Variants in SLC10A2 observed in about 807,000 individuals in gnomAD.
SLC10A2 encodes solute carrier family 10 member 2.
In SLC10A2, 34 loss-of-function variants were observed where a neutral mutation model predicts 27.1. The ratio of observed to expected loss-of-function variants is 1.26; its 90% CI spans 0.96 to 1.67. SLC10A2 has a LOEUF of 1.67. Ranked by LOEUF, SLC10A2 falls within the 40% of genes most tolerant of loss-of-function variation. The probability of loss-of-function intolerance (pLI) is 0.00; values close to 1 mark genes in which losing one functional copy is unlikely to be tolerated. For synonymous variants in SLC10A2, 205 were observed against 174.0 expected (o/e 1.18, Z -1.40); for missense variants, 530 against 444.4 (o/e 1.19, Z -1.73).
chr13:103,045,810 G>A lies in SLC10A2; in HGVS notation c.*323C>T, dbSNP rs201190195. Reference sequence around the variant, plus strand: ...AAATTCTGCATAAGAATTCAGTTTTGGTGTTAAAGATGTTTTCATTCTCGG... The same window carrying A: ...AAATTCTGCATAAGAATTCAGTTTTAGTGTTAAAGATGTTTTCATTCTCGG... On this transcript the variant is annotated 3_prime_UTR_variant, in exon 6 of 6. Coordinates refer to ENST00000245312, the MANE Select transcript of SLC10A2 (RefSeq NM_000452.3). 9.8e-6 allele frequency: 2 copies of A among 204,032 alleles called. No individual in the cohort carries two copies. The highest frequency in any genetic ancestry group is 4.7e-5 in the African/African-American group (2 of 42,390). The allele number at this position is 204,032 out of a possible 1,614,324, so 12.6% of individuals were successfully genotyped here.
At chr13:103,062,403 A>G (rs1238155282) in intron 1 of SLC10A2, among the ~76,000 whole-genome samples, 1 of 152,244 alleles carries the variant, frequency 6.6e-6, no homozygotes, top group Non-Finnish European at 1.5e-5. Context: ...TAATAGTACT[A>G]ACTTTAGAGG....
At chr13:103,060,911 C>T (rs1215473108) in intron 1 of SLC10A2, among the ~76,000 whole-genome samples, 1 of 150,556 alleles carries the variant, frequency 6.6e-6, no homozygotes, top group Admixed American at 6.6e-5. Flanking sequence ...ACACACTATA[C>T]TAAGAAAGGA....
chr13:103,054,562 T>C (rs1372006144), intron 2 of SLC10A2, among the ~76,000 whole-genome samples: 2 of 151,718 alleles, frequency 1.3e-5, no homozygotes, highest in African/African-American at 2.4e-5. Flanking sequence ...GTTTTGGTCC[T>C]ATATTTTAAT....
chr13:103,062,181 C>G (rs2138924919), intron 1 of SLC10A2, among the ~76,000 whole-genome samples: 1 of 152,244 alleles, frequency 6.6e-6, no homozygotes, highest in Middle Eastern at 3.4e-3. Context: ...AAGTAAAATA[C>G]CAAGTTTGAA....
In SLC10A2 at chr13:103,046,226, G is replaced by GT. The variant is rs759302284; in HGVS notation, c.953dup (p.Asn318LysfsTer21). On this transcript the variant is annotated frameshift_variant, in exon 6 of 6. Coordinates refer to ENST00000245312, the MANE Select transcript of SLC10A2 (RefSeq NM_000452.3). LOFTEE classifies it low-confidence loss of function (END_TRUNC). ...CTTTGCTCTCTGGAATTTCTGCCTT[G>GT]TTTTTTCCATGACATTTCTTGTATG... The GT allele has an allele frequency of 5.6e-6, 9 of 1,613,124 alleles. No homozygotes were observed. In the Middle Eastern group the frequency reaches 8.2e-4, roughly 147 times the overall value.
In SLC10A2 at chr13:103,049,368, A is replaced by C; in HGVS notation, c.840T>G (p.Pro280=). 6.2e-7 allele frequency: 1 copy of C among 1,614,014 alleles called. No homozygotes were observed. The highest frequency in any genetic ancestry group is 2.2e-5 in the East Asian group (1 of 44,874). ...AGGTGAATACGACATTGAGCTCCTC[A>C]GGAGTGAAGGAGAGCTGAACGATGG... is the stretch of plus-strand genomic sequence containing the variant. The part of the protein sequence containing the change: ...CSTIVQLSFT[P]EELNVVFTFP... The change falls in exon 5 of 6, where the codon CCT becomes CCG. Residue 280 remains proline, a synonymous_variant. Coordinates refer to ENST00000245312, the MANE Select transcript of SLC10A2 (RefSeq NM_000452.3).
intron 3 of SLC10A2, 95 bp downstream of exon 3, chr13:103,052,518 ACAGTAAT>A: frequency 1.2e-6 from 1 of 858,622 alleles, no homozygotes; most frequent in Non-Finnish European, 2.0e-6. Flanking sequence ...CCCCCACTCA[ACAGTAAT>A]CATATAATGA....
chr13:103,048,609 G>T (rs563697244), intron 5 of SLC10A2, among the ~76,000 whole-genome samples: 26 of 152,094 alleles, frequency 1.7e-4, no homozygotes, highest in African/African-American at 5.5e-4. Context: ...AAAAATAGAG[G>T]TTAAATATTA....
At chr13:103,056,463 A>C (rs1875941511) in intron 2 of SLC10A2, among the ~76,000 whole-genome samples, 1 of 152,126 alleles carries the variant, frequency 6.6e-6, no homozygotes, top group Admixed American at 6.5e-5. Context: ...TTCACACTGC[A>C]GTTAGAATTA....
At chr13:103,063,456 G>C (rs934431714) in intron 1 of SLC10A2, among the ~76,000 whole-genome samples, 5 of 152,036 alleles carry the variant, frequency 3.3e-5, no homozygotes, top group African/African-American at 1.2e-4. Context: ...AGATGGAGAA[G>C]GTAAAATTCT....
At chr13:103,050,371 A>T (rs1168879408) in intron 4 of SLC10A2, among the ~76,000 whole-genome samples, 2 of 152,072 alleles carry the variant, frequency 1.3e-5, no homozygotes, top group Non-Finnish European at 2.9e-5. Flanking sequence ...TCCCAACTTC[A>T]TACATGCATC....
intron 1 of SLC10A2, among the ~76,000 whole-genome samples, chr13:103,058,655 G>A (rs1368352644): frequency 6.6e-6 from 1 of 152,056 alleles, no homozygotes; most frequent in Non-Finnish European, 1.5e-5. Context: ...TCCCCTCTAT[G>A]TGTCCATGCG....
chr13:103,045,323 A>T lies in SLC10A2; in HGVS notation c.*810T>A, dbSNP rs1875576956. 6.6e-6 allele frequency: 1 copy of T among 152,218 alleles called. No individual in the cohort carries two copies. Among genetic ancestry groups the T allele is most frequent in the African/African-American group, 2.4e-5 (1 of 41,448 alleles). 9.4% of individuals were successfully genotyped at this position (152,218 alleles called of 1,614,324 possible). The stretch of plus-strand genomic sequence containing the variant: ...TATGTGGATCCACTGCACACAGGAA[A>T]ACCTTGAGGAAGTCCCTCTCCCAGA... On this transcript the variant is annotated 3_prime_UTR_variant, in exon 6 of 6. Coordinates refer to ENST00000245312, the MANE Select transcript of SLC10A2 (RefSeq NM_000452.3).
chr13:103,060,622 C>A (rs562673784), intron 1 of SLC10A2, among the ~76,000 whole-genome samples: 1 of 152,052 alleles, frequency 6.6e-6, no homozygotes, highest in African/African-American at 2.4e-5. Flanking sequence ...GTGATCCGCT[C>A]GCCTAGGCCT....
chr13:103,064,030 TA>T (rs1346424374), intron 1 of SLC10A2, among the ~76,000 whole-genome samples: 12 of 152,160 alleles, frequency 7.9e-5, no homozygotes, highest in Non-Finnish European at 1.5e-4. Context: ...AACTTTAAAA[TA>T]AAAATAGTTA....
chr13:103,050,050 C>T lies in SLC10A2; in HGVS notation c.762-604G>A, dbSNP rs190213193. On this transcript the variant is annotated intron_variant, in intron 4 of 5. Coordinates refer to ENST00000245312, the MANE Select transcript of SLC10A2 (RefSeq NM_000452.3). Reference sequence around the variant, plus strand: ...GTGTGGGCTTGTAGTCCCAGCTCCTCGGGAGGCTAAGGCAGGAGGATCACT... The same window carrying T: ...GTGTGGGCTTGTAGTCCCAGCTCCTTGGGAGGCTAAGGCAGGAGGATCACT... Among the ~76,000 whole-genome samples the T allele has an allele frequency of 5.3e-5, 8 of 151,988 alleles. No individual in the cohort carries two copies. In the South Asian group the frequency reaches 6.2e-4, roughly 12 times the overall value.
intron 2 of SLC10A2, among the ~76,000 whole-genome samples, chr13:103,055,990 GA>G (rs1291332877): frequency 6.6e-6 from 1 of 152,206 alleles, no homozygotes; most frequent in African/African-American, 2.4e-5. Flanking sequence ...TACCTATTTA[GA>G]AAAGTTTTAA....
chr13:103,053,081 G>GGGGT (rs1447798206), intron 2 of SLC10A2, among the ~76,000 whole-genome samples: 6 of 145,074 alleles, frequency 4.1e-5, no homozygotes, highest in East Asian at 2.0e-4. Context: ...AGCTCACCAA[G>GGGGT]GTGTGTGTGT....
At chr13:103,062,615 T>C (rs1428264801) in intron 1 of SLC10A2, among the ~76,000 whole-genome samples, 1 of 152,168 alleles carries the variant, frequency 6.6e-6, no homozygotes, top group Non-Finnish European at 1.5e-5. Context: ...AGGACATTTA[T>C]GGGGTTGACA....
Sources: allele counts gnomAD v4.1 joint callset (sites outside exome capture counted in the v4.1 genomes callset), GRCh38; gene constraint gnomAD v4.1.1; transcripts MANE v1.5; gene names NCBI Gene and HGNC (gene_info 2026-07-23, HGNC 2026-07-21).